The following FAXC variants were observed in gnomAD, a reference collection of about 807,000 sequenced individuals.
FAXC encodes the protein failed axon connections homolog.
FAXC carries 10 observed loss-of-function variants against 41.9 expected under a neutral mutation model. That is an observed-to-expected ratio of 0.24 (90% CI 0.15 to 0.41). FAXC has a LOEUF of 0.41. Ranked by LOEUF, FAXC falls within the 10% of genes least tolerant of loss-of-function variation. FAXC has a pLI of 1.00. For synonymous variants in FAXC, 183 were observed against 183.8 expected (o/e 1.00, Z 0.03); for missense variants, 399 against 510.9 (o/e 0.78, Z 2.11).
intron 4 of FAXC, among the ~76,000 whole-genome samples, chr6:99,298,388 C>T (rs974255479): frequency 6.6e-6 from 1 of 152,078 alleles, no homozygotes; most frequent in Non-Finnish European, 1.5e-5. Flanking sequence ...TTTTTAAAAA[C>T]ACTAACTCAA....
chr6:99,295,803 AAAGTT>A (rs1771469605), intron 4 of FAXC, among the ~76,000 whole-genome samples: 1 of 152,214 alleles, frequency 6.6e-6, no homozygotes, highest in Middle Eastern at 3.2e-3. Context: ...TTTTCACTAT[AAAGTT>A]AAGATTTATT....
chr6:99,297,944 AG>A (rs1263847470), intron 4 of FAXC, among the ~76,000 whole-genome samples: 4 of 152,202 alleles, frequency 2.6e-5, no homozygotes, highest in African/African-American at 4.8e-5. Context: ...AGAGTAGTCT[AG>A]CAGCACCAGC....
chr6:99,349,816 G>C (rs1413059813), upstream of FAXC, among the ~76,000 whole-genome samples: 1 of 152,006 alleles, frequency 6.6e-6, no homozygotes, highest in African/African-American at 2.4e-5. Context: ...CGCCGGGCAG[G>C]CTCCGCGCCT....
intron 4 of FAXC, among the ~76,000 whole-genome samples, chr6:99,302,124 C>T (rs866023317): frequency 2.9e-4 from 44 of 152,280 alleles, no homozygotes; most frequent in African/African-American, 8.4e-4. Context: ...GATCTCCTTC[C>T]AAACTCACTC....
chr6:99,279,996 G>A lies in FAXC; in HGVS notation c.*1168C>T, dbSNP rs1039805654. ...AGACATTACAAGTTGGCAGGCTTCT[G>A]CTTATAAAAATCAATGAAATACTTT... On this transcript the variant is annotated 3_prime_UTR_variant, in exon 6 of 6. Transcript: ENST00000389677. 4 of 152,186 alleles carry A rather than the reference G, an allele frequency of 2.6e-5. No homozygotes were observed. 9.4% of individuals were successfully genotyped at this position (152,186 alleles called of 1,614,324 possible).
intron 5 of FAXC, among the ~76,000 whole-genome samples, chr6:99,288,167 A>C (rs963818619): frequency 2.0e-5 from 3 of 152,242 alleles, no homozygotes; most frequent in Non-Finnish European, 4.4e-5. Context: ...TTTCTGAAAG[A>C]AAAAATTCTG....
At chr6:99,292,706 T>G (rs934646487) in intron 4 of FAXC, among the ~76,000 whole-genome samples, 2 of 152,234 alleles carry the variant, frequency 1.3e-5, no homozygotes, top group Non-Finnish European at 1.5e-5. Flanking sequence ...AGTTTCTATT[T>G]CTTTGGGCTA....
At chr6:99,291,126 T>A (rs1314502793) in intron 5 of FAXC, among the ~76,000 whole-genome samples, 1 of 152,222 alleles carries the variant, frequency 6.6e-6, no homozygotes, top group Non-Finnish European at 1.5e-5. Context: ...CTACTCTTAG[T>A]GAATGATCTA....
intron 5 of FAXC, among the ~76,000 whole-genome samples, chr6:99,284,818 G>A (rs1226840911): frequency 6.6e-6 from 1 of 151,734 alleles, no homozygotes; most frequent in African/African-American, 2.4e-5. Flanking sequence ...GGAGGCTGAC[G>A]CAGGAGAATC....
chr6:99,327,264 T>C (rs1340594589), intron 3 of FAXC, among the ~76,000 whole-genome samples: 3 of 152,186 alleles, frequency 2.0e-5, no homozygotes, highest in African/African-American at 7.2e-5. Flanking sequence ...AGATGCTTCA[T>C]AGATTCCTAA....
Position 99,277,897 on chromosome 6 carries a change from C to G in FAXC, c.*3267G>C, listed in dbSNP as rs1770688595. 6.6e-6 allele frequency: 1 copy of G among 152,166 alleles called. No individual in the cohort carries two copies. The highest frequency in any genetic ancestry group is 6.5e-5 in the Admixed American group (1 of 15,274). 9.4% of individuals were successfully genotyped at this position (152,166 alleles called of 1,614,324 possible). Reference sequence around the variant, plus strand: ...TGAGCCAATAAGGTGCTTTCTACAGCTAATTTTTAGCACAGCTATACATTT... The same window carrying G: ...TGAGCCAATAAGGTGCTTTCTACAGGTAATTTTTAGCACAGCTATACATTT... On this transcript the variant is annotated 3_prime_UTR_variant, in exon 6 of 6. Transcript: ENST00000389677.
intron 5 of FAXC, among the ~76,000 whole-genome samples, chr6:99,289,925 A>G (rs1771168548): frequency 6.6e-6 from 1 of 151,816 alleles, no homozygotes; most frequent in Non-Finnish European, 1.5e-5. Flanking sequence ...CAGTGCCACC[A>G]CTCGGCACCA....
intron 2 of FAXC, among the ~76,000 whole-genome samples, chr6:99,334,326 G>A (rs957707307): frequency 6.6e-6 from 1 of 152,172 alleles, no homozygotes; most frequent in Non-Finnish European, 1.5e-5. Context: ...TATAGGGGCT[G>A]CTGTTAGTCA....
intron 4 of FAXC, among the ~76,000 whole-genome samples, chr6:99,292,198 C>G (rs1386082140): frequency 6.6e-6 from 1 of 152,056 alleles, no homozygotes; most frequent in African/African-American, 2.4e-5. Context: ...AAAAGTAACC[C>G]AAAGCAAGCA....
chr6:99,289,498 A>T (rs221548), intron 5 of FAXC, among the ~76,000 whole-genome samples: 8,025 of 151,944 alleles, frequency 0.053, 234 homozygotes, highest in Non-Finnish European at 0.06. Context: ...TTAAAAAAAA[A>T]TTTTTTAATT....
At chr6:99,293,804 A>G (rs1333983429) in intron 4 of FAXC, among the ~76,000 whole-genome samples, 1 of 151,722 alleles carries the variant, frequency 6.6e-6, no homozygotes, top group Non-Finnish European at 1.5e-5. Context: ...TTTATTTAGC[A>G]AACCCTTATA....
chr6:99,338,343 G>A (rs1196903253), intron 2 of FAXC, among the ~76,000 whole-genome samples: 1 of 152,150 alleles, frequency 6.6e-6, no homozygotes, highest in Non-Finnish European at 1.5e-5. Flanking sequence ...GAGTCCTGCT[G>A]CTCCAGTTAC....
intron 4 of FAXC, among the ~76,000 whole-genome samples, chr6:99,298,821 C>T (rs539241680): frequency 6.6e-6 from 1 of 152,260 alleles, no homozygotes; most frequent in African/African-American, 2.4e-5. Context: ...TTCTTTTATA[C>T]TCATTTCCAA....
At chr6:99,335,306 T>C in intron 2 of FAXC, among the ~76,000 whole-genome samples, 1 of 152,270 alleles carries the variant, frequency 6.6e-6, no homozygotes, top group East Asian at 1.9e-4. Flanking sequence ...ATCATAAGTG[T>C]TAGAAATAAT....
Sources: allele counts gnomAD v4.1 joint callset (sites outside exome capture counted in the v4.1 genomes callset), GRCh38; gene constraint gnomAD v4.1.1; transcripts MANE v1.5; gene names NCBI Gene and HGNC (gene_info 2026-07-23, HGNC 2026-07-21).